The following CMSS1 variants were observed in gnomAD, a reference collection of about 807,000 sequenced individuals.
The protein encoded by CMSS1 is protein CMSS1.
Under a neutral mutation model 43.5 loss-of-function variants are expected in CMSS1, and 33 were observed. That is an observed-to-expected ratio of 0.76 (90% CI 0.57 to 1.01). The LOEUF is 1.01. Among genes scored for constraint, CMSS1 ranks in the 50% least tolerant of loss-of-function variants. The pLI, the probability that CMSS1 is intolerant of heterozygous loss-of-function variation, is 0.00. For synonymous variants in CMSS1, 115 were observed against 117.2 expected, an observed-to-expected ratio of 0.98 and a Z score of 0.12; for missense variants, 313 against 326.4, an observed-to-expected ratio of 0.96 and a Z score of 0.32.
intron 1 of CMSS1, chr3:99,851,012 C>T: frequency 6.2e-7 from 1 of 1,612,410 alleles, no homozygotes; most frequent in Non-Finnish European, 8.5e-7. Context: ...ACCCTTTTCT[C>T]CTTTTCTTGC....
rs1229699914 is a variant in CMSS1 at position 100,181,208 on chromosome 3, G to GTA, written c.*2821_*2822dup. ...GACACAGCCAAACCACATCAGCAGG[G>GTA]TAGTGGTAGAAAGAGCATCAAGTGA... On this transcript the variant is annotated 3_prime_UTR_variant, in exon 10 of 10. Transcript: ENST00000421999. 1 of 152,188 alleles carries GTA rather than the reference G, an allele frequency of 6.6e-6. No individual in the cohort carries two copies. The highest frequency in any genetic ancestry group is 1.5e-5 in the Non-Finnish European group (1 of 68,034). 9.4% of individuals were successfully genotyped at this position (152,188 alleles called of 1,614,324 possible). A position where few individuals can be genotyped will look rare whatever the true frequency, so the allele number is the denominator to read the frequency against.
chr3:99,921,722 C>T (rs918170824), intron 1 of CMSS1, among the ~76,000 whole-genome samples: 1 of 152,152 alleles, frequency 6.6e-6, no homozygotes, highest in African/African-American at 2.4e-5. Context: ...ACTTTATATC[C>T]TATAAAGCTA....
chr3:100,124,533 G>T (rs2066647453), intron 1 of CMSS1, among the ~76,000 whole-genome samples: 1 of 152,166 alleles, frequency 6.6e-6, no homozygotes, highest in Non-Finnish European at 1.5e-5. Context: ...TGGTGACCCT[G>T]ACCTTCTCAG....
chr3:99,957,265 A>C (rs1014065679), intron 1 of CMSS1, among the ~76,000 whole-genome samples: 6 of 152,110 alleles, frequency 3.9e-5, no homozygotes, highest in African/African-American at 1.4e-4. Context: ...AATGAACCAC[A>C]TGCATTGTAT....
At chr3:99,998,646 T>C (rs1378857167) in intron 1 of CMSS1, among the ~76,000 whole-genome samples, 1 of 152,154 alleles carries the variant, frequency 6.6e-6, no homozygotes, top group Non-Finnish European at 1.5e-5. Flanking sequence ...CACTGCAAGC[T>C]CCGCCTCCCG....
chr3:99,916,523 T>C (rs1223268161), intron 1 of CMSS1, among the ~76,000 whole-genome samples: 1 of 151,796 alleles, frequency 6.6e-6, no homozygotes, highest in Non-Finnish European at 1.5e-5. Context: ...AATACAGTGC[T>C]AATGGTCACT....
intron 1 of CMSS1, among the ~76,000 whole-genome samples, chr3:100,063,879 A>G (rs1217877221): frequency 6.6e-6 from 1 of 152,244 alleles, no homozygotes; most frequent in Non-Finnish European, 1.5e-5. Flanking sequence ...TACTTGAAGT[A>G]TAGAGAAAAA....
intron 1 of CMSS1, among the ~76,000 whole-genome samples, chr3:100,074,675 A>AATT (rs2065818687): frequency 2.9e-5 from 1 of 34,782 alleles, no homozygotes; most frequent in Non-Finnish European, 4.9e-5. Flanking sequence ...GCAACATTTG[A>AATT]TTTTTTTTTT....
chr3:99,935,502 T>G (rs1707634948), intron 1 of CMSS1, among the ~76,000 whole-genome samples: 1 of 152,160 alleles, frequency 6.6e-6, no homozygotes, highest in African/African-American at 2.4e-5. Context: ...CTGCCTTTAA[T>G]TAGCCAGGGT....
At chr3:99,951,647 C>A (rs1359427766) in intron 1 of CMSS1, among the ~76,000 whole-genome samples, 1 of 152,176 alleles carries the variant, frequency 6.6e-6, no homozygotes, top group Non-Finnish European at 1.5e-5. Context: ...ACCACATATA[C>A]ACAGTCCCCA....
chr3:100,127,666 A>G (rs2066673715), intron 1 of CMSS1, among the ~76,000 whole-genome samples: 1 of 152,198 alleles, frequency 6.6e-6, no homozygotes, highest in African/African-American at 2.4e-5. Flanking sequence ...AACTTATGGG[A>G]CCATCATCTC....
intron 1 of CMSS1, among the ~76,000 whole-genome samples, chr3:99,865,745 C>CA (rs1348999803): frequency 6.6e-6 from 1 of 151,278 alleles, no homozygotes; most frequent in Non-Finnish European, 1.5e-5. Flanking sequence ...ACTTCAAGGG[C>CA]ATAATAATAA....
At position 99,850,992 on chromosome 3, in the gene CMSS1, C is replaced by T. The variant is rs376007423; in HGVS notation, c.64+32949C>T. On this transcript the variant is annotated intron_variant, in intron 1 of 9. Coordinates refer to ENST00000421999, the MANE Select transcript of CMSS1 (RefSeq NM_032359.4). ...ACTTCAGCTTGGTCAGCTCCTCTTT[C>T]AGGGTGGTGACCCTTTTCTCCTTTT... is the stretch of plus-strand genomic sequence containing the variant. The T allele has an allele frequency of 2.7e-5, 44 of 1,613,842 alleles. No individual in the cohort carries two copies. In the African/African-American group the frequency reaches 3.9e-4, roughly 14 times the overall value.
intron 1 of CMSS1, among the ~76,000 whole-genome samples, chr3:99,861,873 C>T (rs1183304443): frequency 6.6e-6 from 1 of 152,142 alleles, no homozygotes; most frequent in African/African-American, 2.4e-5. Context: ...TCTAGTGTGA[C>T]TTGAGCAAGC....
chr3:99,979,656 A>G (rs1221552976), intron 1 of CMSS1, among the ~76,000 whole-genome samples: 1 of 152,224 alleles, frequency 6.6e-6, no homozygotes, highest in African/African-American at 2.4e-5. Flanking sequence ...TATTACCTCT[A>G]TATGTCAATA....
intron 1 of CMSS1, among the ~76,000 whole-genome samples, chr3:99,881,330 A>G (rs1705720183): frequency 6.6e-6 from 1 of 152,326 alleles, no homozygotes; most frequent in East Asian, 1.9e-4. Context: ...TTTCCTTGGT[A>G]ACTAATAATA....
At chr3:99,848,008 TG>T (rs1943446134) in intron 1 of CMSS1, 1 of 1,112,414 alleles carries the variant, frequency 9.0e-7, no homozygotes, top group African/African-American at 1.6e-5. Flanking sequence ...AAGTGAGTTA[TG>T]GAAAATGAAA....
chr3:99,850,119 T>C, intron 1 of CMSS1: 1 of 1,612,830 alleles, frequency 6.2e-7, no homozygotes, highest in Non-Finnish European at 8.5e-7. Flanking sequence ...AAGAAGCAGC[T>C]TGTAATTTAT....
At chr3:99,894,108 T>A (rs1706173768) in intron 1 of CMSS1, among the ~76,000 whole-genome samples, 1 of 152,360 alleles carries the variant, frequency 6.6e-6, no homozygotes, top group East Asian at 1.9e-4. Context: ...TTTTGTGATA[T>A]TGCAGAAAGT....
Sources: gnomAD v4.1 joint callset for allele counts (sites outside exome capture counted in the v4.1 genomes callset) on GRCh38, gnomAD v4.1.1 for gene constraint, MANE v1.5 for transcripts, NCBI Gene and HGNC (gene_info 2026-07-23, HGNC 2026-07-21) for gene names.